Variants in PSEN2 observed in about 807,000 individuals in gnomAD.
The protein encoded by PSEN2 is presenilin 2.
PSEN2 carries 32 observed loss-of-function variants against 49.1 expected under a neutral mutation model. That is an observed-to-expected ratio of 0.65 (90% CI 0.49 to 0.88). PSEN2 has a LOEUF of 0.88. Among genes scored for constraint, PSEN2 ranks in the 40% least tolerant of loss-of-function variants. The probability of loss-of-function intolerance (pLI) is 0.00; values close to 1 mark genes in which losing one functional copy is unlikely to be tolerated. For synonymous variants in PSEN2, 255 were observed against 244.0 expected, an observed-to-expected ratio of 1.05 and a Z score of -0.42; for missense variants, 522 against 586.9, an observed-to-expected ratio of 0.89 and a Z score of 1.14.
intron 3 of PSEN2, among the ~76,000 whole-genome samples, chr1:226,881,627 C>T (rs1168011592): frequency 1.3e-5 from 2 of 152,176 alleles, no homozygotes; most frequent in African/African-American, 2.4e-5. Context: ...TTGGAGCTGC[C>T]CTGACTTTCG....
intron 5 of PSEN2, among the ~76,000 whole-genome samples, chr1:226,884,196 T>G (rs1661199124): frequency 6.6e-6 from 1 of 152,172 alleles, no homozygotes; most frequent in African/African-American, 2.4e-5. Context: ...TTAATATGAG[T>G]GAAGGGCTTA....
chr1:226,882,810 G>C (rs756128859), intron 4 of PSEN2, among the ~76,000 whole-genome samples: 1 of 152,116 alleles, frequency 6.6e-6, no homozygotes, highest in Non-Finnish European at 1.5e-5. Context: ...CCACTCCTCA[G>C]CCTTTTCTTG....
At chr1:226,893,441 A>G (rs1223828314) in intron 11 of PSEN2, among the ~76,000 whole-genome samples, 1 of 152,194 alleles carries the variant, frequency 6.6e-6, no homozygotes, top group East Asian at 1.9e-4. Context: ...ACAGTGAGCA[A>G]AGTTATCCTA....
intron 9 of PSEN2, among the ~76,000 whole-genome samples, chr1:226,890,406 C>T (rs900639072): frequency 3.3e-5 from 5 of 152,232 alleles, no homozygotes; most frequent in Non-Finnish European, 5.9e-5. Flanking sequence ...AGGTTGCATT[C>T]CTGTGATCCC....
intron 5 of PSEN2, among the ~76,000 whole-genome samples, chr1:226,885,079 G>A (rs538487258): frequency 3.0e-4 from 45 of 152,200 alleles, no homozygotes; most frequent in African/African-American, 1.1e-3. Context: ...ATTGCTTCCT[G>A]TGTCTGCTTC....
intron 3 of PSEN2, among the ~76,000 whole-genome samples, 166 bp downstream of exon 3, chr1:226,875,716 A>G (rs1340097197): frequency 1.3e-5 from 2 of 152,166 alleles, no homozygotes; most frequent in African/African-American, 2.4e-5. Context: ...ATTTCTCTGT[A>G]ATGAAAAGAA....
chr1:226,888,695 A>G, intron 7 of PSEN2, 134 bp from the exon 8 acceptor site: 4 of 804,988 alleles, frequency 5.0e-6, no homozygotes, highest in East Asian at 2.6e-5. Context: ...TGCAAATGGT[A>G]AATTGTAAGG....
rs148243400 is a variant in PSEN2, at chr1:226,883,570, G to T, written c.142-135G>T. 197 of 819,068 alleles carry T rather than the reference G, an allele frequency of 2.4e-4. 1 individual carries two copies. In the African/African-American group the frequency reaches 2.8e-3, roughly 12 times the overall value. 50.7% of individuals were successfully genotyped at this position (819,068 alleles called of 1,614,324 possible). A position where few individuals can be genotyped will look rare whatever the true frequency, so the allele number is the denominator to read the frequency against. The stretch of plus-strand genomic sequence containing the variant: ...CCTCACAAACTTTTCATATGCCCTA[G>T]TAGCTCATAGACTGCTCCTTATATC... On this transcript the variant is annotated intron_variant, in intron 4 of 12. Transcript: ENST00000366783.
downstream of PSEN2, among the ~76,000 whole-genome samples, chr1:226,896,501 G>A (rs1662154881): frequency 6.6e-6 from 1 of 152,200 alleles, no homozygotes; most frequent in Non-Finnish European, 1.5e-5. Flanking sequence ...TGGGCACTGT[G>A]GTGGGAGAGT....
chr1:226,902,728 G>A (rs1662354338), intron 12 of PSEN2, among the ~76,000 whole-genome samples: 1 of 152,184 alleles, frequency 6.6e-6, no homozygotes, highest in Admixed American at 6.5e-5. Context: ...CCAAGGGTCT[G>A]TCAGTGAGAG....
At chr1:226,897,491 G>A (rs887083864), downstream of PSEN2, 1 of 154,968 alleles carries the variant, frequency 6.5e-6, no homozygotes, top group African/African-American at 2.4e-5. Context: ...GTGAGAAGAC[G>A]AGGGAAGAGC....
chr1:226,873,805 T>C (rs1660457452), intron 2 of PSEN2, among the ~76,000 whole-genome samples: 1 of 152,150 alleles, frequency 6.6e-6, no homozygotes. Flanking sequence ...GAACCGTAGG[T>C]GAAGTTTGTG....
Position 226,881,970 on chromosome 1 carries a change from G to C in PSEN2, c.63G>C (p.Met21Ile), listed in dbSNP as rs752960820. 6.2e-7 allele frequency: 1 copy of C among 1,614,092 alleles called. No individual in the cohort carries two copies. ...TGTGTGATGAGCGGACGTCCCTAAT[G>C]TCGGCTGAGAGCCCCACGCCGCGCT... ...EEVCDERTSL[M>I]SAESPTPRSC... The change falls in exon 4 of 13, where the codon ATG becomes ATC. Residue 21 changes from methionine (M) to isoleucine (I), a missense_variant. By Grantham distance (10) the Met-to-Ile change is conservative. Transcript: ENST00000366783.
chr1:226,896,372 C>A (rs1662146461), downstream of PSEN2, among the ~76,000 whole-genome samples: 4 of 152,210 alleles, frequency 2.6e-5, no homozygotes, highest in Admixed American at 2.6e-4. Context: ...GTGGCACAGA[C>A]ACTGCCAGGT....
intron 2 of PSEN2, among the ~76,000 whole-genome samples, chr1:226,875,130 G>C (rs2073488): frequency 6.6e-6 from 1 of 152,006 alleles, no homozygotes; most frequent in African/African-American, 2.4e-5. Context: ...CCTGTGGTCC[G>C]GGAGGGTGGT....
In PSEN2 at chr1:226,891,321, C is replaced by G. The variant is rs745958627; in HGVS notation, c.930C>G (p.Ser310=). 4 of 1,613,970 alleles carry G rather than the reference C, an allele frequency of 2.5e-6. No homozygotes were observed. Among genetic ancestry groups the G allele is most frequent in the Non-Finnish European group, 3.4e-6 (4 of 1,179,998 alleles). The change falls in exon 10 of 13, where the codon TCC becomes TCG. Residue 310 remains serine (S), a synonymous_variant. Transcript: ENST00000366783. The part of the protein sequence containing the change: ...WTVGMAKLDP[S]SQGALQLPYD... Reference sequence around the variant, plus strand: ...TTGGCATGGCGAAGCTGGACCCCTCCTCTCAGGGTGCCCTCCAGCTCCCCT... The same window carrying G: ...TTGGCATGGCGAAGCTGGACCCCTCGTCTCAGGGTGCCCTCCAGCTCCCCT...
Position 226,895,633 on chromosome 1 carries a change from T to C in PSEN2, c.*54T>C. On this transcript the variant is annotated 3_prime_UTR_variant, in exon 13 of 13. Transcript: ENST00000366783. ...TGCAGGGAATTTTCATTGGATGCAG[T>C]TGTATAGTTTTACACTCTAGTGCCA... 3 of 1,553,798 alleles carry C rather than the reference T, an allele frequency of 1.9e-6. No homozygotes were observed. The highest frequency in any genetic ancestry group is 2.6e-6 in the Non-Finnish European group (3 of 1,140,666).
intron 9 of PSEN2, 118 bp from the exon 10 acceptor site, chr1:226,891,160 C>A: frequency 1.2e-6 from 1 of 819,216 alleles, no homozygotes; most frequent in South Asian, 1.5e-5. Context: ...GAGCAGATAC[C>A]TGCAGGATGG....
Position 226,883,836 on chromosome 1 carries a change from G to C in PSEN2, c.273G>C (p.Leu91=), listed in dbSNP as rs921254742. 3.1e-6 allele frequency: 5 copies of C among 1,613,762 alleles called. No homozygotes were observed. The highest frequency in any genetic ancestry group is 1.7e-5 in the Admixed American group (1 of 59,972). Residue 91 remains leucine (L), a synonymous_variant, in exon 5 of 13, where the codon CTG becomes CTC. Coordinates refer to ENST00000366783, the MANE Select transcript of PSEN2 (RefSeq NM_000447.3). ...ACGGAGCGAAGCACGTGATCATGCT[G>C]TTTGTGCCTGTCACTCTGTGCATGA... The part of the protein sequence containing the change: ...LKYGAKHVIM[L]FVPVTLCMIV...
Sources: gnomAD v4.1 joint callset for allele counts (sites outside exome capture counted in the v4.1 genomes callset) on GRCh38, gnomAD v4.1.1 for gene constraint, MANE v1.5 for transcripts, NCBI Gene and HGNC (gene_info 2026-07-23, HGNC 2026-07-21) for gene names.